PCDH11X: variants seen among roughly 807,000 people sequenced by gnomAD.
The protein encoded by PCDH11X is protocadherin 11 X-linked, also known as protocadherin-11 X-linked.
A neutral mutation model predicts 53.3 loss-of-function variants in PCDH11X; 18 were observed. That is an observed-to-expected ratio of 0.34 (90% CI 0.23 to 0.50). The LOEUF (loss-of-function observed/expected upper bound fraction) is 0.50. PCDH11X is among the 20% of genes least tolerant of loss of function. The pLI is 0.98. For synonymous variants in PCDH11X, 279 were observed against 393.3 expected (o/e 0.71, Z 3.44); for missense variants, 570 against 1,032.4 (o/e 0.55, Z 6.14).
intron 9 of PCDH11X, among the ~76,000 whole-genome samples, chrX:92,466,316 G>A (rs1462523559): frequency 9.1e-6 from 1 of 110,411 alleles, no homozygotes; most frequent in Non-Finnish European, 1.9e-5. Flanking sequence ...CTTTAAAAAT[G>A]TCAATGATAA....
intron 9 of PCDH11X, among the ~76,000 whole-genome samples, chrX:92,395,051 G>A (rs760533818): frequency 4.5e-5 from 5 of 110,946 alleles, no homozygotes; most frequent in African/African-American, 1.3e-4. Context: ...AACAGTGTTC[G>A]CTTAGCCAAT....
At position 91,922,850 on chromosome X, in the gene PCDH11X, C is replaced by T. The variant is rs1464762045; in HGVS notation, c.3033+43577C>T. On this transcript the variant is annotated intron_variant, in intron 6 of 10. Coordinates refer to ENST00000682573, the MANE Select transcript of PCDH11X (RefSeq NM_032968.5). ...TAAATGTCTTTCAGAGGTTAAATCA[C>T]TTTTGCAGCATATAACCAACCCTTG... is the stretch of plus-strand genomic sequence containing the variant. Among the ~76,000 whole-genome samples, 11 of 110,820 alleles carry T rather than the reference C, an allele frequency of 9.9e-5. No individual in the cohort carries two copies. The East Asian group carries it at 3.2e-3, about 32-fold the overall frequency.
At position 92,300,731 on chromosome X, in the gene PCDH11X, C is replaced by T. The variant is rs186420505; in HGVS notation, c.3144+37588C>T. Among the ~76,000 whole-genome samples, 25 of 112,095 alleles carry T rather than the reference C, an allele frequency of 2.2e-4. No homozygotes were observed. In the East Asian group the frequency reaches 6.8e-3, roughly 30 times the overall value. On this transcript the variant is annotated intron_variant, in intron 8 of 10. Transcript: ENST00000682573. Reference sequence around the variant, plus strand: ...TAACATCGTGATCCACCTGCTTCAGCCTCCCAGAGTGCTGGGAATACAGGC... The same window carrying T: ...TAACATCGTGATCCACCTGCTTCAGTCTCCCAGAGTGCTGGGAATACAGGC...
chrX:92,112,073 C>T (rs5984884), intron 6 of PCDH11X, among the ~76,000 whole-genome samples: 1 of 100,458 alleles, frequency 1.0e-5, no homozygotes, highest in Non-Finnish European at 2.0e-5. Flanking sequence ...GCTCATTTTT[C>T]TAAACTGCAC....
intron 6 of PCDH11X, among the ~76,000 whole-genome samples, chrX:91,915,266 CATT>C (rs1487753902): frequency 9.7e-6 from 1 of 103,010 alleles, no homozygotes; most frequent in Non-Finnish European, 2.0e-5. Flanking sequence ...GCCCATAAAA[CATT>C]AATGCAACAG....
rs5984830 is a variant in PCDH11X at position 91,831,159 on chromosome X, C to A, written c.-44-4302C>A. On this transcript the variant is annotated intron_variant, in intron 4 of 10. Transcript: ENST00000682573. ...TTCAGAGATGCTTATTTTATTTCTG[C>A]TTTTGCTTTCTCTAATTGTCATTAT... Among the ~76,000 whole-genome samples, 854 of 111,331 alleles carry A rather than the reference C, an allele frequency of 7.7e-3. 6 individuals carry two copies. The highest frequency in any genetic ancestry group is 0.026 in the African/African-American group (804 of 30,735).
At chrX:91,997,987 G>A (rs1381468853) in intron 6 of PCDH11X, among the ~76,000 whole-genome samples, 5 of 106,602 alleles carry the variant, frequency 4.7e-5, no homozygotes, top group African/African-American at 1.7e-4. Context: ...AGGCTGGGGT[G>A]CAGTGGCACA....
At chrX:92,216,316 C>A (rs190626950) in intron 7 of PCDH11X, among the ~76,000 whole-genome samples, 8,099 of 107,745 alleles carry the variant, frequency 0.075, 555 homozygotes, top group East Asian at 0.43. Context: ...AAAATTTAGA[C>A]GAATGTATAA....
chrX:92,094,133 ATGTGTGTGTG>A (rs58997781), intron 6 of PCDH11X, among the ~76,000 whole-genome samples: 26,975 of 93,960 alleles, frequency 0.29, 3,900 homozygotes, highest in East Asian at 0.59. Flanking sequence ...AAAAAGTAAT[ATGTGTGTGTG>A]TGTGTGTGTG....
intron 6 of PCDH11X, among the ~76,000 whole-genome samples, chrX:92,088,015 G>A (rs1023416700): frequency 9.5e-6 from 1 of 105,064 alleles, no homozygotes; most frequent in African/African-American, 3.4e-5. Flanking sequence ...TGCATATAAG[G>A]CCTTGATCAC....
intron 6 of PCDH11X, among the ~76,000 whole-genome samples, chrX:92,087,404 T>C (rs1363881353): frequency 2.7e-5 from 3 of 109,936 alleles, no homozygotes; most frequent in Non-Finnish European, 3.8e-5. Context: ...TAGTTCTTTT[T>C]GTAAGTTGTT....
At chrX:92,604,822 A>G (rs1237977904) in intron 10 of PCDH11X, among the ~76,000 whole-genome samples, 3 of 109,209 alleles carry the variant, frequency 2.7e-5, no homozygotes, top group Non-Finnish European at 5.7e-5. Flanking sequence ...ACTTTAAAAT[A>G]TGTTACCAGA....
chrX:92,324,036 T>G (rs1218835171), intron 8 of PCDH11X, among the ~76,000 whole-genome samples: 1 of 105,494 alleles, frequency 9.5e-6, no homozygotes, highest in Admixed American at 1.0e-4. Context: ...TAAAATCATC[T>G]TAAGAGCAAT....
intron 6 of PCDH11X, among the ~76,000 whole-genome samples, chrX:92,084,538 CAAAA>C (rs574981485): frequency 4.8e-5 from 3 of 61,940 alleles, no homozygotes; most frequent in Non-Finnish European, 3.4e-5. Flanking sequence ...AACACAGTCT[CAAAA>C]AAAAAAAAAA....
chrX:92,512,779 A>T (rs1206611794), intron 10 of PCDH11X, among the ~76,000 whole-genome samples: 2 of 111,744 alleles, frequency 1.8e-5, no homozygotes, highest in African/African-American at 3.3e-5. Context: ...AGAAGGCAAC[A>T]TCATGTAGTG....
At chrX:92,379,922 C>T (rs1281212023) in intron 8 of PCDH11X, among the ~76,000 whole-genome samples, 3 of 96,730 alleles carry the variant, frequency 3.1e-5, no homozygotes, top group Non-Finnish European at 6.5e-5. Context: ...GGTCTCAGGA[C>T]CCACCAAATG....
chrX:91,853,599 A>G (rs1938159933), intron 5 of PCDH11X, among the ~76,000 whole-genome samples: 1 of 108,567 alleles, frequency 9.2e-6, no homozygotes, highest in African/African-American at 3.5e-5. Flanking sequence ...TAAAATAATA[A>G]ACTTTGAGCG....
intron 1 of PCDH11X, chrX:91,798,130 A>G (rs1279265692): frequency 1.8e-5 from 2 of 110,917 alleles, no homozygotes. Context: ...AGAGTGTAGT[A>G]TCTGTTCCTA....
intron 7 of PCDH11X, among the ~76,000 whole-genome samples, chrX:92,238,257 G>A (rs752392671): frequency 9.0e-6 from 1 of 111,683 alleles, no homozygotes; most frequent in South Asian, 3.7e-4. Flanking sequence ...TAATTATAAT[G>A]TTTGTGTGTA....
Sources: gnomAD v4.1 joint callset for allele counts (sites outside exome capture counted in the v4.1 genomes callset) on GRCh38, gnomAD v4.1.1 for gene constraint, MANE v1.5 for transcripts, NCBI Gene and HGNC (gene_info 2026-07-23, HGNC 2026-07-21) for gene names.